Variants in NAV2 observed in about 807,000 individuals in gnomAD.
The protein encoded by NAV2 is neuron navigator 2, also known as helicase, APC down-regulated 1.
NAV2 carries 54 observed loss-of-function variants against 223.2 expected under a neutral mutation model. The observed-to-expected ratio is 0.24, with a 90% CI of 0.19 to 0.30. The LOEUF is 0.30. Among genes scored for constraint, NAV2 ranks in the 10% least tolerant of loss-of-function variants. NAV2 has a pLI of 1.00. For missense variants in NAV2, 2,806 were observed against 3,147.5 expected, an observed-to-expected ratio of 0.89 and a Z score of 2.60; for synonymous variants, 1,279 against 1,239.3, an observed-to-expected ratio of 1.03 and a Z score of -0.67.
chr11:19,874,897 C>G (rs1256123841), intron 4 of NAV2, among the ~76,000 whole-genome samples: 1 of 152,240 alleles, frequency 6.6e-6, no homozygotes, highest in Non-Finnish European at 1.5e-5. Context: ...TGGCTCACGC[C>G]TTTAATCCCA....
rs2060194870 is a variant in NAV2, at chr11:20,083,159, G to A, written c.5478G>A (p.Arg1826=). ...CCACAGGTTCCACCCCACTGCTGAGGAATTCTCACTCCAACTCTCTGTAAG... is the reference window on the plus strand; with the variant it reads ...CCACAGGTTCCACCCCACTGCTGAGAAATTCTCACTCCAACTCTCTGTAAG... The part of the protein sequence containing the change: ...NGSTGSTPLL[R]NSHSNSLISE... The change falls in exon 26 of 38, where the codon AGG becomes AGA. Residue 1826 remains arginine (R), a synonymous_variant. Coordinates refer to ENST00000349880, the MANE Select transcript of NAV2 (RefSeq NM_145117.5). 3.1e-6 allele frequency: 5 copies of A among 1,613,158 alleles called. No individual in the cohort carries two copies. The highest frequency in any genetic ancestry group is 2.5e-6 in the Non-Finnish European group (3 of 1,179,586).
At chr11:20,107,570 C>G (rs939096748) in intron 35 of NAV2, 94 bp from the exon 36 acceptor site, 4 of 940,776 alleles carry the variant, frequency 4.3e-6, no homozygotes, top group Non-Finnish European at 5.1e-6. Context: ...CGTCTAGGGT[C>G]CCTCCTGTGA....
At chr11:20,000,873 C>T (rs770786533) in intron 11 of NAV2, among the ~76,000 whole-genome samples, 1 of 152,162 alleles carries the variant, frequency 6.6e-6, no homozygotes, top group Non-Finnish European at 1.5e-5. Flanking sequence ...GGCACTGTCT[C>T]TCTGCTCTCA....
At chr11:19,902,847 A>G (rs1455012280) in intron 6 of NAV2, among the ~76,000 whole-genome samples, 2 of 152,210 alleles carry the variant, frequency 1.3e-5, no homozygotes, top group African/African-American at 2.4e-5. Context: ...GTTCAACAGC[A>G]TGAGAAGATA....
At chr11:19,400,141 G>A (rs1849623983) in intron 1 of NAV2, among the ~76,000 whole-genome samples, 1 of 152,168 alleles carries the variant, frequency 6.6e-6, no homozygotes, top group African/African-American at 2.4e-5. Context: ...ATAAGGGGTA[G>A]GCAGGAAAAA....
intron 1 of NAV2, among the ~76,000 whole-genome samples, chr11:19,396,007 C>T (rs573983292): frequency 2.0e-5 from 3 of 152,142 alleles, no homozygotes; most frequent in African/African-American, 7.2e-5. Context: ...GGAATTTGCT[C>T]ATCTTTACAA....
intron 4 of NAV2, among the ~76,000 whole-genome samples, chr11:19,876,217 G>T (rs540950356): frequency 2.0e-5 from 3 of 152,006 alleles, no homozygotes; most frequent in Non-Finnish European, 4.4e-5. Context: ...TAGTAGAGAC[G>T]GTGTTTCACC....
chr11:19,948,792 G>A lies in NAV2; in HGVS notation c.2357G>A (p.Gly786Asp). The A allele has an allele frequency of 6.2e-7, 1 of 1,614,000 alleles. No individual in the cohort carries two copies. The highest frequency in any genetic ancestry group is 8.5e-7 in the Non-Finnish European group (1 of 1,180,020). ...CCCACACCTCTGTCCTGGAGACTGG[G>A]CCAGTCCAGCCCTCGGCTCCAAGCA... is the stretch of plus-strand genomic sequence containing the variant. ...GRPTPLSWRL[G>D]QSSPRLQAGD... is the part of the protein sequence containing the mutation. Residue 786 changes from glycine (G) to aspartate (D), a missense_variant, in exon 10 of 38, where the codon GGC becomes GAC. Gly to Asp is a moderately conservative substitution (Grantham distance 94). Transcript: ENST00000349880.
At position 19,713,653 on chromosome 11, in the gene NAV2, C is replaced by A; in HGVS notation, c.-43C>A. The A allele has an allele frequency of 6.7e-7, 1 of 1,498,754 alleles. No individual in the cohort carries two copies. The highest frequency in any genetic ancestry group is 1.4e-5 in the South Asian group (1 of 72,728). 92.8% of individuals were successfully genotyped at this position (1,498,754 alleles called of 1,614,324 possible). On this transcript the variant is annotated 5_prime_UTR_variant, in exon 1 of 38. Coordinates refer to ENST00000349880, the MANE Select transcript of NAV2 (RefSeq NM_145117.5). The surrounding 1 kb of genome is among the most constrained non-coding windows in gnomAD (Gnocchi z 7.2). The stretch of plus-strand genomic sequence containing the variant: ...TGCCTTTAGCGGTCGCCCCCGCCGC[C>A]GCTGCCAGGGACGTGCTGGGAAAGC...
Position 20,061,825 on chromosome 11 carries a change from C to G in NAV2, c.4832-482C>G, listed in dbSNP as rs57704829. Among the ~76,000 whole-genome samples the G allele has an allele frequency of 5.5e-3, 839 of 152,266 alleles. 13 individuals are homozygous for G. The highest frequency in any genetic ancestry group is 0.019 in the African/African-American group (781 of 41,544). The stretch of plus-strand genomic sequence containing the variant: ...AGCCTCTTAGGTTAAAAATAATCAG[C>G]TCTTTTTTTGCATATACAACTGACA... On this transcript the variant is annotated intron_variant, in intron 19 of 37. Coordinates refer to ENST00000349880, the MANE Select transcript of NAV2 (RefSeq NM_145117.5).
In NAV2 at chr11:20,000,332, G is replaced by C. The variant is rs186491918; in HGVS notation, c.2768+16085G>C. On this transcript the variant is annotated intron_variant, in intron 11 of 37. Transcript: ENST00000349880. The stretch of plus-strand genomic sequence containing the variant: ...CCTGTGGATTTGAACTTCTCATGGA[G>C]CCAAGCTATAATTCCAGCTCTGTTT... Among the ~76,000 whole-genome samples the C allele has an allele frequency of 3.5e-3, 534 of 152,304 alleles. 4 individuals carry two copies. The highest frequency in any genetic ancestry group is 5.6e-3 in the Non-Finnish European group (381 of 68,032).
intron 1 of NAV2, among the ~76,000 whole-genome samples, chr11:19,801,288 C>T (rs1464086732): frequency 6.6e-6 from 1 of 152,218 alleles, no homozygotes; most frequent in Non-Finnish European, 1.5e-5. Flanking sequence ...CTGCCCCCTG[C>T]CTGTGGGCAG....
chr11:19,903,858 C>T (rs114175728), intron 6 of NAV2, among the ~76,000 whole-genome samples: 145 of 152,240 alleles, frequency 9.5e-4, no homozygotes, highest in African/African-American at 2.6e-3. Context: ...TTTGTTTCCT[C>T]AATTTAGGAG....
At chr11:19,733,099 G>C (rs2051960176) in intron 1 of NAV2, among the ~76,000 whole-genome samples, 1 of 152,212 alleles carries the variant, frequency 6.6e-6, no homozygotes, top group Admixed American at 6.5e-5. Flanking sequence ...CCTCCAATGG[G>C]AACAGAAGCA....
intron 1 of NAV2, among the ~76,000 whole-genome samples, chr11:19,545,706 A>T (rs2044477647): frequency 6.6e-6 from 1 of 152,174 alleles, no homozygotes; most frequent in African/African-American, 2.4e-5. Flanking sequence ...GGTGGCTTTA[A>T]ATGCAGCCCA....
chr11:19,776,577 G>GGTGTGTGT (rs71050684), intron 1 of NAV2, among the ~76,000 whole-genome samples: 6,330 of 116,126 alleles, frequency 0.055, 307 homozygotes, highest in Non-Finnish European at 0.074. Flanking sequence ...CTGGGGCAGG[G>GGTGTGTGT]GTGTGTGTGT....
chr11:20,055,678 C>T, intron 18 of NAV2, 91 bp from the exon 19 acceptor site: 1 of 1,177,830 alleles, frequency 8.5e-7, no homozygotes, highest in Non-Finnish European at 1.2e-6. Context: ...ACACATGTGG[C>T]TAAAAATAAG....
chr11:19,349,671 G>A (rs1236537526), upstream of NAV2, among the ~76,000 whole-genome samples: 1 of 152,160 alleles, frequency 6.6e-6, no homozygotes. Flanking sequence ...GGTGTTGGGG[G>A]AGGAGGCATT....
chr11:19,717,228 C>T (rs2050378356), intron 1 of NAV2, among the ~76,000 whole-genome samples: 1 of 152,242 alleles, frequency 6.6e-6, no homozygotes, highest in South Asian at 2.1e-4. Context: ...CTTTCTTTTT[C>T]CATCCTGCTC....
Sources: gnomAD v4.1 joint callset for allele counts (sites outside exome capture counted in the v4.1 genomes callset) on GRCh38, gnomAD v4.1.1 for gene constraint, Gnocchi (gnomAD v3.1) non-coding constraint, MANE v1.5 for transcripts, NCBI Gene and HGNC (gene_info 2026-07-23, HGNC 2026-07-21) for gene names.